EXOC4: variants seen among roughly 807,000 people sequenced by gnomAD.
EXOC4 encodes the protein exocyst complex component 4, also known as SEC8-like 1.
EXOC4 carries 71 observed loss-of-function variants against 107.2 expected under a neutral mutation model. That is an observed-to-expected ratio of 0.66 (90% confidence interval 0.55 to 0.81). EXOC4 has a LOEUF of 0.81. Among genes scored for constraint, EXOC4 ranks in the 30% least tolerant of loss-of-function variants. The probability of loss-of-function intolerance (pLI) is 0.00; values close to 1 mark genes in which losing one functional copy is unlikely to be tolerated. For missense variants in EXOC4, 1,108 were observed against 1,189.6 expected (o/e 0.93, Z 1.01); for synonymous variants, 456 against 441.2 (o/e 1.03, Z -0.42).
intron 2 of EXOC4, among the ~76,000 whole-genome samples, chr7:133,278,925 C>T (rs1054458932): frequency 1.3e-5 from 2 of 151,908 alleles, no homozygotes; most frequent in African/African-American, 4.8e-5. Context: ...CCCATTAACT[C>T]GTCATTTAGC....
intron 11 of EXOC4, among the ~76,000 whole-genome samples, chr7:133,863,070 TTAA>T (rs1460597137): frequency 6.6e-6 from 1 of 152,182 alleles, no homozygotes; most frequent in Non-Finnish European, 1.5e-5. Context: ...CTTTGGGTAA[TTAA>T]ATATATTCTT....
At chr7:134,082,141 A>G in the EXOC4 span, among the ~76,000 whole-genome samples, 265 of 151,714 alleles carry the variant, frequency 1.7e-3, 1 homozygote, top group African/African-American at 6.2e-3. Flanking sequence ...AATAATGGCT[A>G]CTCCATAGGC....
At chr7:133,548,331 G>A (rs1351054478) in intron 9 of EXOC4, among the ~76,000 whole-genome samples, 1 of 152,074 alleles carries the variant, frequency 6.6e-6, no homozygotes, top group African/African-American at 2.4e-5. Flanking sequence ...ATTCTTGGGG[G>A]CCCTAGGATT....
At chr7:134,044,432 G>A (rs549472782) in intron 17 of EXOC4, among the ~76,000 whole-genome samples, 3 of 152,274 alleles carry the variant, frequency 2.0e-5, no homozygotes, top group South Asian at 4.1e-4. Flanking sequence ...AAAAAACTAG[G>A]TTCAGGTTTC....
intron 10 of EXOC4, among the ~76,000 whole-genome samples, chr7:133,736,683 C>A (rs1187140216): frequency 6.6e-6 from 1 of 152,126 alleles, no homozygotes. Context: ...TTGTCTTTGT[C>A]CTCTTTTGAC....
intron 10 of EXOC4, among the ~76,000 whole-genome samples, chr7:133,723,183 A>G (rs556650665): frequency 6.6e-6 from 1 of 152,332 alleles, no homozygotes; most frequent in East Asian, 1.9e-4. Context: ...CACAGCAAAA[A>G]TAAAAAGTGT....
chr7:133,917,613 C>G lies in EXOC4; in HGVS notation c.1902C>G (p.Val634=), dbSNP rs1440821859. 5 of 1,613,874 alleles carry G rather than the reference C, an allele frequency of 3.1e-6. No homozygotes were observed. Among genetic ancestry groups the G allele is most frequent in the Non-Finnish European group, 4.2e-6 (5 of 1,179,976 alleles). Residue 634 remains valine (V), a synonymous_variant, in exon 13 of 18, where the codon GTC becomes GTG. Coordinates refer to ENST00000253861, the MANE Select transcript of EXOC4 (RefSeq NM_021807.4). The stretch of plus-strand genomic sequence containing the variant: ...TTGTCCAGTCAGAAGAAAAACTTGT[C>G]ATCAGTGCATCCTGGGCAAAAGATG... The part of the protein sequence containing the change: ...RGIVQSEEKL[V]ISASWAKDDD...
rs988062125 is a variant in EXOC4, at chr7:134,004,924, C to G, written c.2361C>G (p.Phe787Leu). 1 of 1,612,216 alleles carries G rather than the reference C, an allele frequency of 6.2e-7. No individual in the cohort carries two copies. Among genetic ancestry groups the G allele is most frequent in the African/African-American group, 1.3e-5 (1 of 74,816 alleles). ...VLHLEVRVHC[F>L]HYLIPLAKEG... is the part of the protein sequence containing the mutation. The stretch of plus-strand genomic sequence containing the variant: ...CTCTCTTTTTCAGGGTTCACTGTTT[C>G]CACTATCTTATCCCTCTTGCAAAGG... Residue 787 changes from phenylalanine to leucine, a missense_variant, in exon 16 of 18, where the codon TTC becomes TTG. Coordinates refer to ENST00000253861, the MANE Select transcript of EXOC4 (RefSeq NM_021807.4).
At chr7:134,070,768 G>A (rs1796263536), downstream of EXOC4, among the ~76,000 whole-genome samples, 1 of 138,082 alleles carries the variant, frequency 7.2e-6, no homozygotes, top group Non-Finnish European at 1.5e-5. Context: ...ACTTATGTGT[G>A]TACAAATAAC....
At chr7:133,454,256 A>G (rs1798413684) in intron 7 of EXOC4, among the ~76,000 whole-genome samples, 1 of 152,144 alleles carries the variant, frequency 6.6e-6, no homozygotes, top group African/African-American at 2.4e-5. Context: ...TTTGTTTAGT[A>G]TTATATTTTA....
intron 10 of EXOC4, among the ~76,000 whole-genome samples, chr7:133,772,228 A>G (rs1378893229): frequency 2.6e-5 from 4 of 152,020 alleles, no homozygotes; most frequent in African/African-American, 4.8e-5. Context: ...TGGTCTGGGC[A>G]TGCATTTTGC....
intron 7 of EXOC4, among the ~76,000 whole-genome samples, chr7:133,417,432 G>A (rs575230421): frequency 6.6e-6 from 1 of 152,136 alleles, no homozygotes; most frequent in Non-Finnish European, 1.5e-5. Context: ...TACACTTAAG[G>A]TGTTAAATGG....
chr7:133,274,902 A>G (rs1323641736), intron 1 of EXOC4, 80 bp from the exon 2 acceptor site: 30 of 1,173,342 alleles, frequency 2.6e-5, no homozygotes, highest in Non-Finnish European at 3.2e-5. Flanking sequence ...TTCCTTTTGC[A>G]TTTTACTTTC....
intron 7 of EXOC4, among the ~76,000 whole-genome samples, chr7:133,420,183 A>T: frequency 7.8e-6 from 1 of 127,432 alleles, no homozygotes; most frequent in Admixed American, 8.9e-5. Context: ...ATGTGATCTC[A>T]TTGTTCAATT....
At chr7:133,270,283 C>T (rs1223022939) in intron 1 of EXOC4, among the ~76,000 whole-genome samples, 2 of 152,104 alleles carry the variant, frequency 1.3e-5, no homozygotes, top group Non-Finnish European at 2.9e-5. Flanking sequence ...ATGTTTTTAT[C>T]GGCAGCATGA....
At chr7:133,393,709 C>T (rs1796907024) in intron 7 of EXOC4, among the ~76,000 whole-genome samples, 1 of 152,160 alleles carries the variant, frequency 6.6e-6, no homozygotes, top group Non-Finnish European at 1.5e-5. Context: ...TGAAACAGGA[C>T]AGGGGTCCTC....
intron 5 of EXOC4, among the ~76,000 whole-genome samples, chr7:133,332,211 T>C (rs1795410403): frequency 2.6e-5 from 4 of 152,226 alleles, no homozygotes. Flanking sequence ...TCTTTTCTTT[T>C]GGGTACAAGC....
At chr7:133,404,166 C>A (rs1284698479) in intron 7 of EXOC4, among the ~76,000 whole-genome samples, 1 of 152,170 alleles carries the variant, frequency 6.6e-6, no homozygotes, top group African/African-American at 2.4e-5. Flanking sequence ...GAGGCACAAT[C>A]TTGGCTCACT....
At chr7:133,280,288 T>C (rs1177708665) in intron 2 of EXOC4, among the ~76,000 whole-genome samples, 1 of 152,228 alleles carries the variant, frequency 6.6e-6, no homozygotes, top group Non-Finnish European at 1.5e-5. Context: ...AAATGAGATG[T>C]TATTGCATTG....
Sources: allele counts gnomAD v4.1 joint callset (sites outside exome capture counted in the v4.1 genomes callset), GRCh38; gene constraint gnomAD v4.1.1; transcripts MANE v1.5; gene names NCBI Gene and HGNC (gene_info 2026-07-23, HGNC 2026-07-21).